The following PARG variants were observed in gnomAD, a reference collection of about 807,000 sequenced individuals.
PARG encodes the protein mitochondrial poly(ADP-ribose) glycohydrolase.
A neutral mutation model predicts 113.0 loss-of-function variants in PARG; 35 were observed. That is an observed-to-expected ratio of 0.31 (90% CI 0.24 to 0.41). The LOEUF is 0.41. PARG is among the 10% of genes least tolerant of loss of function. PARG has a pLI of 1.00. For missense variants in PARG, 797 were observed against 1,169.4 expected, an observed-to-expected ratio of 0.68 and a Z score of 4.64; for synonymous variants, 330 against 409.9, an observed-to-expected ratio of 0.81 and a Z score of 2.36.
At chr10:49,821,687 G>A (rs1176163008) in intron 16 of PARG, among the ~76,000 whole-genome samples, 1 of 152,008 alleles carries the variant, frequency 6.6e-6, no homozygotes, top group African/African-American at 2.4e-5. Context: ...GCCAAAGAGG[G>A]TATCTTTTTA....
intron 8 of PARG, among the ~76,000 whole-genome samples, chr10:49,884,468 G>A (rs1357132762): frequency 2.0e-5 from 3 of 152,084 alleles, no homozygotes; most frequent in Non-Finnish European, 2.9e-5. Flanking sequence ...GTGTGGTGGC[G>A]CACGCCTGTA....
chr10:49,886,714 T>C (rs1361248667), intron 7 of PARG, among the ~76,000 whole-genome samples: 1 of 152,118 alleles, frequency 6.6e-6, no homozygotes, highest in African/African-American at 2.4e-5. Flanking sequence ...ATGAAAACTA[T>C]AGTGAGAAAA....
At chr10:49,885,646 A>C (rs182557736) in intron 7 of PARG, among the ~76,000 whole-genome samples, 114 of 152,392 alleles carry the variant, frequency 7.5e-4, no homozygotes, top group African/African-American at 2.5e-3. Flanking sequence ...TGTATCAACT[A>C]GAAACTGCTA....
chr10:49,902,317 G>T (rs1311192569), intron 7 of PARG, among the ~76,000 whole-genome samples: 5 of 152,176 alleles, frequency 3.3e-5, no homozygotes, highest in African/African-American at 1.2e-4. Context: ...TCCTCTTGAA[G>T]TAATTTTGGT....
chr10:49,819,598 G>T, intron 17 of PARG, 104 bp from the exon 18 acceptor site: 1 of 830,316 alleles, frequency 1.2e-6, no homozygotes, highest in Non-Finnish European at 1.9e-6. Context: ...CATATGCTCA[G>T]ACTTGGCTTT....
chr10:49,896,231 A>G (rs1163961157), intron 7 of PARG, among the ~76,000 whole-genome samples: 37 of 152,192 alleles, frequency 2.4e-4, no homozygotes, highest in African/African-American at 8.7e-4. Context: ...GGTTTTTCAC[A>G]GATACTCTTT....
At chr10:49,878,625 A>T (rs1263317743) in intron 9 of PARG, among the ~76,000 whole-genome samples, 6 of 142,516 alleles carry the variant, frequency 4.2e-5, no homozygotes, top group Non-Finnish European at 3.1e-5. Context: ...CTTAAAATTA[A>T]AAAAAAAAAA....
At chr10:49,935,235 T>C (rs1838691403) in intron 1 of PARG, 93 bp from the exon 2 acceptor site, 1 of 606,170 alleles carries the variant, frequency 1.6e-6, no homozygotes, top group Admixed American at 3.1e-5. Flanking sequence ...GTTCTACAGG[T>C]TAAACAAAAG....
At chr10:49,913,827 C>T (rs1837324539) in intron 7 of PARG, among the ~76,000 whole-genome samples, 1 of 152,078 alleles carries the variant, frequency 6.6e-6, no homozygotes, top group Non-Finnish European at 1.5e-5. Context: ...CGCTTGAACC[C>T]GCGAGGCAGA....
intron 6 of PARG, among the ~76,000 whole-genome samples, chr10:49,918,612 A>G (rs1837631616): frequency 6.6e-6 from 1 of 152,218 alleles, no homozygotes; most frequent in Non-Finnish European, 1.5e-5. Context: ...TGAGGACACT[A>G]TTACTTTTTA....
At chr10:49,884,569 C>CA (rs1847369453) in intron 8 of PARG, among the ~76,000 whole-genome samples, 2 of 151,978 alleles carry the variant, frequency 1.3e-5, no homozygotes, top group East Asian at 3.9e-4. Context: ...CATCGCACTC[C>CA]AAAAAAAGAA....
At chr10:49,824,004 C>T (rs1482876657) in intron 16 of PARG, among the ~76,000 whole-genome samples, 1 of 152,180 alleles carries the variant, frequency 6.6e-6, no homozygotes, top group Non-Finnish European at 1.5e-5. Context: ...CAAGTTCTAT[C>T]TTCAGCCTTC....
intron 4 of PARG, among the ~76,000 whole-genome samples, chr10:49,922,977 T>G (rs1554849744): frequency 6.6e-6 from 1 of 152,204 alleles, no homozygotes; most frequent in African/African-American, 2.4e-5. Flanking sequence ...CATAAAACCC[T>G]TTCTAAAGAA....
chr10:49,819,368 T>TAC lies in PARG; in HGVS notation c.2902_2903insGT (p.Asp968GlyfsTer16). ...GGTCCCTGTCCTTTGCCCTGAATGG[T>TAC]CAGCGGTCTCTGCACAGGACTCGAC... On this transcript the variant is annotated frameshift_variant, in exon 18 of 18. Transcript: ENST00000616448. LOFTEE classifies it high-confidence loss of function. 1 of 1,551,596 alleles carries TAC rather than the reference T, an allele frequency of 6.4e-7. No individual in the cohort carries two copies. The highest frequency in any genetic ancestry group is 2.0e-5 in the Admixed American group (1 of 50,996).
At chr10:49,929,773 C>A (rs1306515527) in intron 4 of PARG, among the ~76,000 whole-genome samples, 1 of 151,054 alleles carries the variant, frequency 6.6e-6, no homozygotes, top group African/African-American at 2.4e-5. Flanking sequence ...TTGCCATGAG[C>A]CGAGATCGTG....
chr10:49,940,487 T>C (rs1838978558), intron 1 of PARG, among the ~76,000 whole-genome samples: 1 of 147,666 alleles, frequency 6.8e-6, no homozygotes, highest in Admixed American at 6.8e-5. Flanking sequence ...GTTCACTCTA[T>C]ATATCAATTG....
At chr10:49,891,621 ATATTTTTTTTT>A (rs1231818646) in intron 7 of PARG, among the ~76,000 whole-genome samples, 7 of 43,290 alleles carry the variant, frequency 1.6e-4, no homozygotes, top group African/African-American at 8.3e-4. Context: ...ATATATATAT[ATATTTTTTTTT>A]TTTTTTTTTT....
chr10:49,824,820 T>G (rs1172021847), intron 16 of PARG, among the ~76,000 whole-genome samples: 2 of 152,132 alleles, frequency 1.3e-5, no homozygotes, highest in Non-Finnish European at 2.9e-5. Context: ...GGTTATGTAA[T>G]TTGTCTCAGG....
chr10:49,933,166 G>C lies in PARG; in HGVS notation c.1271+11C>G, dbSNP rs1372783808. 7 of 1,535,952 alleles carry C rather than the reference G, an allele frequency of 4.6e-6. No individual in the cohort carries two copies. In the Admixed American group the frequency reaches 7.4e-5, roughly 16 times the overall value. ...TATGCTATTGGAGAGATACTGCTGA[G>C]AGAAAATTACCTTCTGTCCTCTGCT... On this transcript the variant is annotated intron_variant, in intron 3 of 17. Transcript: ENST00000616448.
Sources: allele counts gnomAD v4.1 joint callset (sites outside exome capture counted in the v4.1 genomes callset), GRCh38; gene constraint gnomAD v4.1.1; transcripts MANE v1.5; gene names NCBI Gene and HGNC (gene_info 2026-07-23, HGNC 2026-07-21).